CDKN2B-AS1: variants seen among roughly 807,000 people sequenced by gnomAD.
CDKN2B-AS1 encodes the protein CDKN2B and CDKN2A antisense cis and trans regulatory RNA 1.
rs74584379 is a variant in CDKN2B-AS1, at chr9:22,115,724, A to C, written n.439-11379A>C. Among the ~76,000 whole-genome samples, 14 of 152,246 alleles carry C rather than the reference A, an allele frequency of 9.2e-5. No homozygotes were observed. In the East Asian group the frequency reaches 2.1e-3, roughly 23 times the overall value. On this transcript the variant is annotated intron_variant and non_coding_transcript_variant, in intron 4 of 4. Transcript: ENST00000650946. Reference sequence around the variant, plus strand: ...CATTTCTATGTGATTATCAGCTTGGATCACATGGACTTGGGGATTATTGGT... The same window carrying C: ...CATTTCTATGTGATTATCAGCTTGGCTCACATGGACTTGGGGATTATTGGT...
At chr9:22,072,617 G>A (rs994644857) in intron 4 of CDKN2B-AS1, among the ~76,000 whole-genome samples, 2 of 152,218 alleles carry the variant, frequency 1.3e-5, no homozygotes, top group African/African-American at 4.8e-5. Context: ...TTATAGCACA[G>A]CTTGAATAAA....
chr9:22,116,044 T>C (rs1379131683), intron 4 of CDKN2B-AS1, among the ~76,000 whole-genome samples: 2 of 152,170 alleles, frequency 1.3e-5, no homozygotes, highest in Non-Finnish European at 1.5e-5. Flanking sequence ...TAAATTAGAG[T>C]GTATGCTCAA....
intron 1 of CDKN2B-AS1, among the ~76,000 whole-genome samples, chr9:22,018,638 G>T (rs1420927117): frequency 6.6e-6 from 1 of 152,176 alleles, no homozygotes. Context: ...GGGTGACAGC[G>T]CAAGACTTCA....
At chr9:22,113,042 G>T (rs1299483818) in intron 4 of CDKN2B-AS1, among the ~76,000 whole-genome samples, 1 of 152,160 alleles carries the variant, frequency 6.6e-6, no homozygotes, top group East Asian at 1.9e-4. Flanking sequence ...GTTTTCTATT[G>T]CATTATAACA....
At chr9:22,111,317 C>T (rs1478924396) in intron 4 of CDKN2B-AS1, among the ~76,000 whole-genome samples, 1 of 152,102 alleles carries the variant, frequency 6.6e-6, no homozygotes, top group Non-Finnish European at 1.5e-5. Context: ...AGTTTTCATC[C>T]TTAACCACAA....
intron 2 of CDKN2B-AS1, among the ~76,000 whole-genome samples, chr9:22,048,606 A>C (rs1427817836): frequency 6.6e-6 from 1 of 152,010 alleles, no homozygotes; most frequent in East Asian, 1.9e-4. Flanking sequence ...TTAAGGTCTT[A>C]ATTTCTTGTT....
chr9:22,053,617 C>G (rs951983517), intron 3 of CDKN2B-AS1, among the ~76,000 whole-genome samples: 3 of 152,190 alleles, frequency 2.0e-5, no homozygotes, highest in Non-Finnish European at 2.9e-5. Flanking sequence ...TTCCAGATGA[C>G]TTCTTTCTAC....
At chr9:22,042,681 C>T (rs1247421716) in intron 1 of CDKN2B-AS1, among the ~76,000 whole-genome samples, 3 of 152,204 alleles carry the variant, frequency 2.0e-5, no homozygotes, top group East Asian at 3.9e-4. Flanking sequence ...TTCACAAGTA[C>T]TCAGACCCAA....
chr9:22,059,880 C>CGAG (rs1823740454), intron 4 of CDKN2B-AS1, among the ~76,000 whole-genome samples: 1 of 152,196 alleles, frequency 6.6e-6, no homozygotes, highest in South Asian at 2.1e-4. Flanking sequence ...GGGCTTCCAC[C>CGAG]CTCTGAAGCC....
chr9:22,010,198 G>A (rs1159703086), intron 1 of CDKN2B-AS1, among the ~76,000 whole-genome samples: 1 of 152,182 alleles, frequency 6.6e-6, no homozygotes, highest in Non-Finnish European at 1.5e-5. Flanking sequence ...GGCTGAACCT[G>A]TCATTAAATT....
intron 1 of CDKN2B-AS1, among the ~76,000 whole-genome samples, chr9:22,040,506 G>A (rs1453863888): frequency 6.6e-6 from 1 of 151,982 alleles, no homozygotes; most frequent in Non-Finnish European, 1.5e-5. Flanking sequence ...ACCAACATCA[G>A]ACTGTCAGTG....
At chr9:22,009,095 T>G (rs1360745588) in intron 1 of CDKN2B-AS1, 7 of 1,299,048 alleles carry the variant, frequency 5.4e-6, no homozygotes, top group Non-Finnish European at 7.6e-6. Flanking sequence ...TACCCTCCCG[T>G]CGTCCTTCTG....
chr9:22,053,878 T>G (rs146541636), intron 3 of CDKN2B-AS1, among the ~76,000 whole-genome samples: 3 of 152,008 alleles, frequency 2.0e-5, no homozygotes, highest in East Asian at 3.9e-4. Flanking sequence ...AAAATAAGGA[T>G]TTTTACTTAG....
Position 22,005,824 on chromosome 9 carries a change from G to T in CDKN2B-AS1, n.29+10663G>T. The stretch of plus-strand genomic sequence containing the variant: ...AAGACAAAGAAAAAAATGTATGGAA[G>T]GTTATTCCCGGTCGGCTCCTCCTTC... On this transcript the variant is annotated intron_variant and non_coding_transcript_variant, in intron 1 of 4. Transcript: ENST00000650946. This position sits in a 1 kb window ranked among gnomAD's most constrained non-coding sequence, Gnocchi z 4.9. 1 of 862,978 alleles carries T rather than the reference G, an allele frequency of 1.2e-6. No individual in the cohort carries two copies. Among genetic ancestry groups the T allele is most frequent in the South Asian group, 1.6e-5 (1 of 62,798 alleles). The allele number at this position is 862,978 out of a possible 1,614,324, so 53.5% of individuals were successfully genotyped here.
intron 1 of CDKN2B-AS1, among the ~76,000 whole-genome samples, chr9:22,037,360 T>C (rs1387078485): frequency 6.6e-6 from 1 of 152,110 alleles, no homozygotes; most frequent in East Asian, 1.9e-4. Flanking sequence ...ACCTCACTTC[T>C]ATCTCTAGCC....
chr9:22,075,884 T>A (rs986057850), intron 4 of CDKN2B-AS1, among the ~76,000 whole-genome samples: 3 of 152,058 alleles, frequency 2.0e-5, no homozygotes, highest in Non-Finnish European at 4.4e-5. Flanking sequence ...ACTATATATT[T>A]CTAAGAATGG....
At chr9:22,054,029 G>A (rs1823458985) in intron 3 of CDKN2B-AS1, among the ~76,000 whole-genome samples, 1 of 152,028 alleles carries the variant, frequency 6.6e-6, no homozygotes, top group African/African-American at 2.4e-5. Flanking sequence ...TAGGGCTTAG[G>A]GTCCTAATCT....
chr9:22,063,918 G>A (rs1823928187), intron 4 of CDKN2B-AS1: 1 of 152,186 alleles, frequency 6.6e-6, no homozygotes, highest in Admixed American at 6.5e-5. Context: ...CAAAGCTCAG[G>A]ATGTATTTTT....
In CDKN2B-AS1 at chr9:22,085,777, C is replaced by G. The variant is rs572033902; in HGVS notation, n.438+29390C>G. On this transcript the variant is annotated intron_variant and non_coding_transcript_variant, in intron 4 of 4. Transcript: ENST00000650946. ...TATATCTCAGGGTATCTTGGAGTCA[C>G]TACTGATCCTTGACCTCCCTCCTTT... 3.9e-4 allele frequency among the ~76,000 whole-genome samples: 59 copies of G among 151,398 alleles called. 1 individual carries two copies. The highest frequency in any genetic ancestry group is 1.4e-3 in the African/African-American group (56 of 41,188).
Sources: allele counts gnomAD v4.1 joint callset (sites outside exome capture counted in the v4.1 genomes callset), GRCh38; gene constraint gnomAD v4.1.1; non-coding constraint Gnocchi (gnomAD v3.1); transcripts MANE v1.5; gene names NCBI Gene and HGNC (gene_info 2026-07-23, HGNC 2026-07-21).